The following KIF16B variants were observed in gnomAD, a reference collection of about 807,000 sequenced individuals.
KIF16B encodes kinesin-like protein KIF16B.
Under a neutral mutation model 156.3 loss-of-function variants are expected in KIF16B, and 98 were observed. The ratio of observed to expected loss-of-function variants is 0.63; its 90% confidence interval spans 0.53 to 0.74. KIF16B has a LOEUF of 0.74. KIF16B is among the 30% of genes least tolerant of loss of function. KIF16B has a pLI of 0.00. For missense variants in KIF16B, 1,421 were observed against 1,606.5 expected (o/e 0.88, Z 1.97); for synonymous variants, 564 against 583.7 (o/e 0.97, Z 0.49).
At chr20:16,514,505 T>C (rs1391521631) in intron 4 of KIF16B, among the ~76,000 whole-genome samples, 2 of 149,304 alleles carry the variant, frequency 1.3e-5, no homozygotes, top group Non-Finnish European at 2.9e-5. Flanking sequence ...CCCTCAATCA[T>C]CTTCCACTAG....
rs563791164 is a variant in KIF16B at position 16,356,512 on chromosome 20, T to C, written c.3499-60A>G. ...GAAACCAGAATCACTCCACTGCAAATATCCTGCTCGGGTAGGAGGGAGAAA... is the reference window on the plus strand; with the variant it reads ...GAAACCAGAATCACTCCACTGCAAACATCCTGCTCGGGTAGGAGGGAGAAA... On this transcript the variant is annotated intron_variant, in intron 22 of 25. Coordinates refer to ENST00000354981, the MANE Select transcript of KIF16B (RefSeq NM_024704.5). The C allele has an allele frequency of 7.5e-6, 12 of 1,595,266 alleles. No individual in the cohort carries two copies. The East Asian group carries it at 2.2e-4, about 30-fold the overall frequency.
At chr20:16,277,461 A>G (rs184465541) in intron 25 of KIF16B, among the ~76,000 whole-genome samples, 1 of 99,930 alleles carries the variant, frequency 1.0e-5, no homozygotes, top group Non-Finnish European at 2.1e-5. Context: ...TGTACATATT[A>G]TATATATATA....
chr20:16,375,012 A>G (rs1285985174), intron 19 of KIF16B, among the ~76,000 whole-genome samples: 1 of 152,232 alleles, frequency 6.6e-6, no homozygotes, highest in African/African-American at 2.4e-5. Flanking sequence ...GGGAAGGGGA[A>G]GCAGAAAAGA....
At chr20:16,546,276 T>C (rs1026685249) in intron 1 of KIF16B, among the ~76,000 whole-genome samples, 2 of 152,214 alleles carry the variant, frequency 1.3e-5, no homozygotes, top group African/African-American at 4.8e-5. Context: ...CTGTGGTTAT[T>C]GAGCTGCACT....
chr20:16,317,915 A>G (rs759043662), intron 24 of KIF16B, among the ~76,000 whole-genome samples: 1 of 152,214 alleles, frequency 6.6e-6, no homozygotes, highest in Non-Finnish European at 1.5e-5. Context: ...CTGTCTCCAG[A>G]GACAGAGGCA....
chr20:16,424,258 T>C lies in KIF16B; in HGVS notation c.1612+2846A>G, dbSNP rs190188226. ...ACCTTTATAAAATTGAAAAAACAGA[T>C]GGAGAGATGAATGGGTGGGTGGATG... On this transcript the variant is annotated intron_variant, in intron 15 of 25. Transcript: ENST00000354981. 1.2e-4 allele frequency among the ~76,000 whole-genome samples: 19 copies of C among 152,158 alleles called. No homozygotes were observed. In the East Asian group the frequency reaches 3.7e-3, roughly 30 times the overall value.
At position 16,356,332 on chromosome 20, in the gene KIF16B, T is replaced by C; in HGVS notation, c.3619A>G (p.Lys1207Glu). The C allele has an allele frequency of 6.2e-7, 1 of 1,614,166 alleles. No individual in the cohort carries two copies. The highest frequency in any genetic ancestry group is 8.5e-7 in the Non-Finnish European group (1 of 1,179,966). ...AGAAGAGTCAAGAAGACACTCACCT[T>C]GACCTCAAACTCGAAGTGTGCATCC... ...GKDAHFEFEV[K>E]ITVLDETWTV... Residue 1207 changes from lysine (K) to glutamate (E), a missense_variant and splice_region_variant, in exon 23 of 26, where the codon AAG becomes GAG. By Grantham distance (56) the Lys-to-Glu change is moderately conservative (BLOSUM62 1). Coordinates refer to ENST00000354981, the MANE Select transcript of KIF16B (RefSeq NM_024704.5).
At chr20:16,407,697 T>G (rs1330299091) in intron 15 of KIF16B, among the ~76,000 whole-genome samples, 1 of 152,072 alleles carries the variant, frequency 6.6e-6, no homozygotes, top group Non-Finnish European at 1.5e-5. Context: ...GAATCAATAC[T>G]GGATAGATGA....
intron 24 of KIF16B, among the ~76,000 whole-genome samples, chr20:16,334,068 C>G (rs1232169206): frequency 6.6e-6 from 1 of 152,006 alleles, no homozygotes; most frequent in East Asian, 1.9e-4. Flanking sequence ...TTACTGGAAT[C>G]CAGAAAAATG....
intron 23 of KIF16B, among the ~76,000 whole-genome samples, chr20:16,342,791 A>G (rs1480374976): frequency 1.3e-5 from 2 of 152,240 alleles, no homozygotes; most frequent in Admixed American, 1.3e-4. Context: ...CAAGATGAAG[A>G]TGATGAGTAT....
chr20:16,285,762 G>A (rs1181482880), intron 25 of KIF16B, among the ~76,000 whole-genome samples: 1 of 152,144 alleles, frequency 6.6e-6, no homozygotes, highest in Non-Finnish European at 1.5e-5. Context: ...GGCTGCAGTT[G>A]AGCCATGATC....
intron 23 of KIF16B, among the ~76,000 whole-genome samples, chr20:16,336,684 C>T (rs1240935259): frequency 6.6e-6 from 1 of 152,158 alleles, no homozygotes; most frequent in Non-Finnish European, 1.5e-5. Context: ...TCAACATATT[C>T]CCTCCAGTCC....
chr20:16,475,504 G>A (rs1298129156), intron 12 of KIF16B, among the ~76,000 whole-genome samples: 1 of 152,206 alleles, frequency 6.6e-6, no homozygotes, highest in Non-Finnish European at 1.5e-5. Flanking sequence ...AACAAGGAAG[G>A]AGCTGGGAGA....
At chr20:16,499,091 G>C (rs1292818202) in intron 10 of KIF16B, among the ~76,000 whole-genome samples, 1 of 152,030 alleles carries the variant, frequency 6.6e-6, no homozygotes, top group Non-Finnish European at 1.5e-5. Context: ...TATTGTCTTT[G>C]GCCTTCCTGA....
chr20:16,417,205 G>A (rs2066111680), intron 15 of KIF16B, among the ~76,000 whole-genome samples: 1 of 152,054 alleles, frequency 6.6e-6, no homozygotes, highest in South Asian at 2.1e-4. Flanking sequence ...TTAACTCCTG[G>A]GCTCACCCCT....
intron 12 of KIF16B, among the ~76,000 whole-genome samples, chr20:16,449,263 C>G (rs2067016483): frequency 6.6e-6 from 1 of 152,032 alleles, no homozygotes; most frequent in African/African-American, 2.4e-5. Flanking sequence ...ACGGAAAGAC[C>G]TGCTGAAAAT....
chr20:16,454,321 C>T (rs897748140), intron 12 of KIF16B, among the ~76,000 whole-genome samples: 1 of 150,012 alleles, frequency 6.7e-6, no homozygotes, highest in African/African-American at 2.4e-5. Flanking sequence ...CTATAGCATA[C>T]CAGTTTTAAA....
chr20:16,437,993 A>AT (rs1555884534), intron 12 of KIF16B, among the ~76,000 whole-genome samples: 22 of 150,962 alleles, frequency 1.5e-4, no homozygotes, highest in Non-Finnish European at 3.1e-4. Flanking sequence ...AAATAATAAA[A>AT]AAAAAAAAAC....
intron 24 of KIF16B, among the ~76,000 whole-genome samples, chr20:16,326,837 G>A (rs953190344): frequency 6.6e-6 from 1 of 151,734 alleles, no homozygotes; most frequent in African/African-American, 2.4e-5. Context: ...CGACCCAGAG[G>A]AAAAGAAGTC....
Sources: allele counts gnomAD v4.1 joint callset (sites outside exome capture counted in the v4.1 genomes callset), GRCh38; gene constraint gnomAD v4.1.1; transcripts MANE v1.5; gene names NCBI Gene and HGNC (gene_info 2026-07-23, HGNC 2026-07-21).